PLEKHG4B: variants seen among roughly 807,000 people sequenced by gnomAD.
The protein encoded by PLEKHG4B is pleckstrin homology domain-containing family G member 4B.
In PLEKHG4B, 111 loss-of-function variants were observed where a neutral mutation model predicts 121.3. That is an observed-to-expected ratio of 0.92 (90% CI 0.78 to 1.07). The LOEUF (loss-of-function observed/expected upper bound fraction) is 1.07. Among genes scored for constraint, PLEKHG4B ranks in the 50% least tolerant of loss-of-function variants. PLEKHG4B has a pLI of 0.00. For missense variants in PLEKHG4B, 1,831 were observed against 1,757.8 expected (o/e 1.04, Z -0.74); for synonymous variants, 738 against 725.0 (o/e 1.02, Z -0.29).
chr5:170,980 C>CGGGAGCCTG (rs1334216873), intron 14 of PLEKHG4B, 63 bp from the exon 15 acceptor site: 2 of 1,387,226 alleles, frequency 1.4e-6, no homozygotes, highest in Non-Finnish European at 2.0e-6. Flanking sequence ...ACCCGGGCTG[C>CGGGAGCCTG]GGGAGCCTGC....
In PLEKHG4B at chr5:152,537, T is replaced by TTA. The variant is rs571175551; in HGVS notation, c.1992+940_1992+941dup. 1.3e-3 allele frequency among the ~76,000 whole-genome samples: 200 copies of TTA among 152,298 alleles called. 1 individual carries two copies. The highest frequency in any genetic ancestry group is 4.6e-3 in the African/African-American group (193 of 41,558). On this transcript the variant is annotated intron_variant, in intron 7 of 19. Transcript: ENST00000637938. ...AGTTCTTAAAAACTTTTTTCCTGCTTTATTCTCTCTCTCTTTCTAGTACTT... is the reference window on the plus strand; with the variant it reads ...AGTTCTTAAAAACTTTTTTCCTGCTTTATATTCTCTCTCTCTTTCTAGTACTT...
rs1246684821 is a variant in PLEKHG4B at position 143,206 on chromosome 5, T to C, written c.1637T>C (p.Val546Ala). 3 of 1,611,366 alleles carry C rather than the reference T, an allele frequency of 1.9e-6. No individual in the cohort carries two copies. The South Asian group carries it at 3.3e-5, about 18-fold the overall frequency. ...GDFPSQVPKQVLDVSQELLQS... is the reference protein window; with the variant it reads ...GDFPSQVPKQALDVSQELLQS... ...TTCCCCAGCCAGGTGCCCAAGCAGG[T>C]GCTGGACGTCAGTCAGGAGCTGCTG... The change falls in exon 4 of 20, where the codon GTG (valine) becomes GCG (alanine). Residue 546 changes from valine to alanine, a missense_variant. Val to Ala is a moderately conservative substitution (Grantham distance 64, BLOSUM62 0). Transcript: ENST00000637938.
rs529537081 is a variant in PLEKHG4B at position 161,829 on chromosome 5, G to C, written c.2534G>C (p.Arg845Pro). 40 of 1,613,910 alleles carry C rather than the reference G, an allele frequency of 2.5e-5. No homozygotes were observed. Among genetic ancestry groups the C allele is most frequent in the Non-Finnish European group, 3.4e-5 (40 of 1,180,034 alleles). Reference sequence around the variant, plus strand: ...CAGCTGGCGAAGGAGAACCCGCAACGTACAGAGGAAATGGTCCAGGATTTC... The same window carrying C: ...CAGCTGGCGAAGGAGAACCCGCAACCTACAGAGGAAATGGTCCAGGATTTC... ...GLQLAKENPQ[R>P]TEEMVQDFRR... Residue 845 changes from arginine to proline, a missense_variant, in exon 12 of 20, where the codon CGT becomes CCT. Arg to Pro is a moderately radical substitution (Grantham distance 103). Coordinates refer to ENST00000637938, the MANE Select transcript of PLEKHG4B (RefSeq NM_052909.5).
chr5:174,028 G>T lies in PLEKHG4B; in HGVS notation c.4332G>T (p.Ser1444=), dbSNP rs753264504. 1.2e-6 allele frequency: 2 copies of T among 1,606,472 alleles called. No homozygotes were observed. The highest frequency in any genetic ancestry group is 2.2e-5 in the East Asian group (1 of 44,636). The stretch of plus-strand genomic sequence containing the variant: ...ACACCTACATTCTCCAAGCAAGCTC[G>T]GCAGAGGTCAAGAGTGCATGGACCG... ...SQDTYILQAS[S]AEVKSAWTDV... The change falls in exon 18 of 20, where the codon TCG becomes TCT. Residue 1444 remains serine (S), a synonymous_variant. Coordinates refer to ENST00000637938, the MANE Select transcript of PLEKHG4B (RefSeq NM_052909.5).
intron 2 of PLEKHG4B, among the ~76,000 whole-genome samples, chr5:135,673 AAAAAAAAAAAT>A (rs1484966944): frequency 1.6e-5 from 1 of 64,194 alleles, no homozygotes; most frequent in Non-Finnish European, 2.9e-5. Context: ...CTCAAAAAAA[AAAAAAAAAAAT>A]ATATATATAT....
intron 1 of PLEKHG4B, among the ~76,000 whole-genome samples, chr5:104,157 AACAACC>A (rs1340131544): frequency 4.6e-4 from 67 of 145,820 alleles, no homozygotes; most frequent in Non-Finnish European, 6.3e-4. Flanking sequence ...CCGATTCCTA[AACAACC>A]ACAGCCAGTC....
intron 2 of PLEKHG4B, among the ~76,000 whole-genome samples, chr5:130,722 G>A (rs1734754220): frequency 6.6e-6 from 1 of 152,186 alleles, no homozygotes; most frequent in African/African-American, 2.4e-5. Flanking sequence ...CCTTGACACT[G>A]TGTTGAAACA....
chr5:103,042 C>T lies in PLEKHG4B; in HGVS notation c.46-10209C>T, dbSNP rs540148163. Among the ~76,000 whole-genome samples, 5 of 152,318 alleles carry T rather than the reference C, an allele frequency of 3.3e-5. No individual in the cohort carries two copies. The East Asian group carries it at 9.6e-4, about 29-fold the overall frequency. On this transcript the variant is annotated intron_variant, in intron 1 of 19. Coordinates refer to ENST00000637938, the MANE Select transcript of PLEKHG4B (RefSeq NM_052909.5). ...ACCCCTCCATTGCAGAGTTACCGCT[C>T]TGTTCCCTCCCTGGGCCCGATCCTT...
intron 3 of PLEKHG4B, among the ~76,000 whole-genome samples, chr5:141,311 A>C (rs907868981): frequency 1.6e-4 from 20 of 126,366 alleles, no homozygotes; most frequent in African/African-American, 5.9e-4. Flanking sequence ...CTCCATGTTC[A>C]TATTGGCGCT....
chr5:161,881 CCAGGCTGAGTG>C lies in PLEKHG4B; in HGVS notation c.2591_2601del (p.Ala864GlyfsTer36), dbSNP rs1736016055. 1.2e-6 allele frequency: 2 copies of C among 1,613,648 alleles called. No individual in the cohort carries two copies. Among genetic ancestry groups the C allele is most frequent in the African/African-American group, 2.7e-5 (2 of 74,944 alleles). ...GAAGGGGCCTGAGCGCCGTGGTCAG[CCAGGCTGAGTG>C]CAGGGAGGGAGAGCTGGCCAGGTGG... On this transcript the variant is annotated frameshift_variant, in exon 12 of 20. Transcript: ENST00000637938. LOFTEE classifies it high-confidence loss of function.
rs916997418 is a variant in PLEKHG4B at position 156,299 on chromosome 5, C to T, written c.2348+89C>T. On this transcript the variant is annotated intron_variant, in intron 10 of 19. Coordinates refer to ENST00000637938, the MANE Select transcript of PLEKHG4B (RefSeq NM_052909.5). This position sits in a 1 kb window ranked among gnomAD's most constrained non-coding sequence, Gnocchi z 4.4. ...CACCAGGAGGCGTAGCGCTCTGCTCCAAGGAGAGCCCCCTCTGTGCTTGGT... is the reference window on the plus strand; with the variant it reads ...CACCAGGAGGCGTAGCGCTCTGCTCTAAGGAGAGCCCCCTCTGTGCTTGGT... 3 of 1,240,834 alleles carry T rather than the reference C, an allele frequency of 2.4e-6. No individual in the cohort carries two copies. The highest frequency in any genetic ancestry group is 1.6e-5 in the African/African-American group (1 of 63,474). The allele number at this position is 1,240,834 out of a possible 1,614,324, so 76.9% of individuals were successfully genotyped here.
chr5:180,281 G>T (rs530837302), intron 18 of PLEKHG4B, among the ~76,000 whole-genome samples: 31 of 152,232 alleles, frequency 2.0e-4, no homozygotes, highest in African/African-American at 7.2e-4. Context: ...CAGACCTTTG[G>T]GCAGCTGATC....
intron 2 of PLEKHG4B, among the ~76,000 whole-genome samples, chr5:130,720 CTG>C (rs565821860): frequency 1.3e-5 from 2 of 152,190 alleles, no homozygotes; most frequent in East Asian, 1.9e-4. Context: ...CTCCTTGACA[CTG>C]TGTTGAAACA....
intron 3 of PLEKHG4B, among the ~76,000 whole-genome samples, chr5:142,104 A>G (rs998885872): frequency 6.6e-6 from 1 of 152,224 alleles, no homozygotes; most frequent in Non-Finnish European, 1.5e-5. Context: ...TACCGCAGAA[A>G]GAGCTTTGTA....
At chr5:142,986 C>A (rs1366331169) in intron 3 of PLEKHG4B, 61 bp from the exon 4 acceptor site, 3 of 1,475,102 alleles carry the variant, frequency 2.0e-6, no homozygotes, top group Non-Finnish European at 1.9e-6. Flanking sequence ...CTGAGCATAG[C>A]AGCTGCTTTC....
At chr5:130,501 A>T (rs2126380758) in intron 2 of PLEKHG4B, among the ~76,000 whole-genome samples, 1 of 152,258 alleles carries the variant, frequency 6.6e-6, no homozygotes, top group African/African-American at 2.4e-5. Flanking sequence ...ATGAAGCTGA[A>T]CTTTTAGGAA....
At chr5:135,862 A>G (rs1254113086) in intron 2 of PLEKHG4B, among the ~76,000 whole-genome samples, 1 of 151,004 alleles carries the variant, frequency 6.6e-6, no homozygotes, top group East Asian at 1.9e-4. Context: ...AAATAGCCAA[A>G]ACAATCTTGA....
intron 1 of PLEKHG4B, among the ~76,000 whole-genome samples, chr5:105,770 A>T (rs1001447176): frequency 6.6e-6 from 1 of 152,094 alleles, no homozygotes; most frequent in Non-Finnish European, 1.5e-5. Flanking sequence ...CATTTTGAGG[A>T]CTTTTTTTTT....
chr5:155,173 G>A (rs1340566783), intron 8 of PLEKHG4B, among the ~76,000 whole-genome samples, 172 bp from the exon 9 acceptor site: 1 of 152,210 alleles, frequency 6.6e-6, no homozygotes, highest in African/African-American at 2.4e-5. Flanking sequence ...GCCGAGCCCG[G>A]GTGGGAAGGG....
Sources: gnomAD v4.1 joint callset for allele counts (sites outside exome capture counted in the v4.1 genomes callset) on GRCh38, gnomAD v4.1.1 for gene constraint, Gnocchi (gnomAD v3.1) non-coding constraint, MANE v1.5 for transcripts, NCBI Gene and HGNC (gene_info 2026-07-23, HGNC 2026-07-21) for gene names.